The following UNC5C variants were observed in gnomAD, a reference collection of about 807,000 sequenced individuals.
The protein encoded by UNC5C is netrin receptor UNC5C.
In UNC5C, 47 loss-of-function variants were observed where a neutral mutation model predicts 99.8. The ratio of observed to expected loss-of-function variants is 0.47; its 90% CI spans 0.37 to 0.60. UNC5C has a LOEUF of 0.60. UNC5C is among the 20% of genes least tolerant of loss of function. The pLI is 0.00. For missense variants in UNC5C, 1,062 were observed against 1,165.9 expected (o/e 0.91, Z 1.30); for synonymous variants, 487 against 452.2 (o/e 1.08, Z -0.98).
chr4:95,533,054 G>C (rs1722693657), intron 1 of UNC5C, among the ~76,000 whole-genome samples: 1 of 152,030 alleles, frequency 6.6e-6, no homozygotes, highest in African/African-American at 2.4e-5. Flanking sequence ...GAGAGAAATG[G>C]ACATATTTTT....
In UNC5C at chr4:95,287,610, C is replaced by G. The variant is rs575141126; in HGVS notation, c.491-9248G>C. The stretch of plus-strand genomic sequence containing the variant: ...TCTATACCTAACTGACCACGATATT[C>G]TTTTCTCCAGAGTCTGGATTTAGCT... On this transcript the variant is annotated intron_variant, in intron 3 of 15. Coordinates refer to ENST00000453304, the MANE Select transcript of UNC5C (RefSeq NM_003728.4). 2.0e-5 allele frequency among the ~76,000 whole-genome samples: 3 copies of G among 152,296 alleles called. No individual in the cohort carries two copies. In the East Asian group the frequency reaches 5.8e-4, roughly 29 times the overall value.
chr4:95,524,882 G>C (rs2149491278), intron 1 of UNC5C, among the ~76,000 whole-genome samples: 1 of 152,302 alleles, frequency 6.6e-6, no homozygotes, highest in East Asian at 1.9e-4. Flanking sequence ...TGAACTCTGA[G>C]CTCTATGGGG....
At chr4:95,522,717 T>A (rs1339400417) in intron 1 of UNC5C, among the ~76,000 whole-genome samples, 1 of 152,168 alleles carries the variant, frequency 6.6e-6, no homozygotes. Context: ...GTCCCCAGAA[T>A]AATTTTTGAA....
intron 1 of UNC5C, among the ~76,000 whole-genome samples, chr4:95,449,626 T>C (rs1043128812): frequency 6.6e-6 from 1 of 152,188 alleles, no homozygotes; most frequent in African/African-American, 2.4e-5. Flanking sequence ...TGGTGGCAGT[T>C]CTTAGTCAGA....
chr4:95,442,540 C>G (rs1397372287), intron 1 of UNC5C, among the ~76,000 whole-genome samples: 1 of 151,804 alleles, frequency 6.6e-6, no homozygotes, highest in African/African-American at 2.4e-5. Flanking sequence ...CTATGTTGCC[C>G]AGGCTGGCCT....
chr4:95,334,545 A>C (rs1278494504), intron 2 of UNC5C, among the ~76,000 whole-genome samples: 1 of 151,946 alleles, frequency 6.6e-6, no homozygotes, highest in Non-Finnish European at 1.5e-5. Flanking sequence ...GAGAGCAAAA[A>C]CACGTATGCT....
intron 1 of UNC5C, among the ~76,000 whole-genome samples, chr4:95,536,238 G>A (rs752476871): frequency 2.6e-4 from 39 of 151,988 alleles, no homozygotes; most frequent in Non-Finnish European, 4.9e-4. Context: ...ACCATGCCCA[G>A]CTAATTTTTG....
chr4:95,193,092 A>G (rs1181010859), intron 12 of UNC5C, among the ~76,000 whole-genome samples: 1 of 152,226 alleles, frequency 6.6e-6, no homozygotes, highest in African/African-American at 2.4e-5. Context: ...TCACTCTGCT[A>G]GCTTCTTTCT....
At chr4:95,347,513 T>A (rs1331090608) in intron 1 of UNC5C, among the ~76,000 whole-genome samples, 1 of 151,852 alleles carries the variant, frequency 6.6e-6, no homozygotes, top group African/African-American at 2.4e-5. Flanking sequence ...AATTATACTA[T>A]AGAGCTATAG....
intron 1 of UNC5C, among the ~76,000 whole-genome samples, chr4:95,389,881 A>C (rs2149444699): frequency 6.6e-6 from 1 of 152,284 alleles, no homozygotes; most frequent in East Asian, 1.9e-4. Context: ...AATATTATTA[A>C]GATAATTTTA....
chr4:95,442,190 T>C (rs1746967718), intron 1 of UNC5C, among the ~76,000 whole-genome samples: 2 of 151,932 alleles, frequency 1.3e-5, no homozygotes, highest in Admixed American at 6.6e-5. Context: ...CCTACTGTTT[T>C]TTGATTGTTT....
intron 1 of UNC5C, among the ~76,000 whole-genome samples, chr4:95,514,109 T>C (rs954666730): frequency 6.6e-6 from 1 of 152,178 alleles, no homozygotes; most frequent in Non-Finnish European, 1.5e-5. Context: ...CAGTAACATT[T>C]TCCTCATTTT....
chr4:95,530,826 T>C (rs1381126126), intron 1 of UNC5C, among the ~76,000 whole-genome samples: 1 of 152,220 alleles, frequency 6.6e-6, no homozygotes, highest in Admixed American at 6.5e-5. Context: ...AGGTGCATTT[T>C]TGTGCAGCAC....
At chr4:95,466,523 G>T (rs1747783840) in intron 1 of UNC5C, among the ~76,000 whole-genome samples, 2 of 152,094 alleles carry the variant, frequency 1.3e-5, no homozygotes, top group Admixed American at 6.6e-5. Context: ...AGCAGAGCAA[G>T]AGGAGCAAAT....
chr4:95,463,982 T>G (rs1747692566), intron 1 of UNC5C, among the ~76,000 whole-genome samples: 1 of 152,170 alleles, frequency 6.6e-6, no homozygotes, highest in Admixed American at 6.5e-5. Context: ...CTGCGTATCT[T>G]TACTGTAAAC....
chr4:95,177,105 G>A (rs1035610027), intron 14 of UNC5C, among the ~76,000 whole-genome samples: 2 of 152,122 alleles, frequency 1.3e-5, no homozygotes, highest in African/African-American at 2.4e-5. Context: ...TTCGGCTCAC[G>A]CACGGTGCGC....
intron 1 of UNC5C, among the ~76,000 whole-genome samples, chr4:95,425,064 G>T (rs929785057): frequency 6.6e-6 from 1 of 152,084 alleles, no homozygotes; most frequent in South Asian, 2.1e-4. Flanking sequence ...GCATTTCAAT[G>T]TTACTTGTCA....
At chr4:95,475,264 T>C (rs1748106849) in intron 1 of UNC5C, among the ~76,000 whole-genome samples, 1 of 152,040 alleles carries the variant, frequency 6.6e-6, no homozygotes, top group African/African-American at 2.4e-5. Context: ...AGATCCACAT[T>C]ATTGAAGGGA....
At chr4:95,536,082 A>ATATATATATATTT (rs1180330785) in intron 1 of UNC5C, among the ~76,000 whole-genome samples, 1 of 78,444 alleles carries the variant, frequency 1.3e-5, no homozygotes, top group East Asian at 2.8e-4. Flanking sequence ...ATATATATAT[A>ATATATATATATTT]TTTTTTTTTT....
Sources: allele counts gnomAD v4.1 joint callset (sites outside exome capture counted in the v4.1 genomes callset), GRCh38; gene constraint gnomAD v4.1.1; transcripts MANE v1.5; gene names NCBI Gene and HGNC (gene_info 2026-07-23, HGNC 2026-07-21).